The following SULT1C2 variants were observed in gnomAD, a reference collection of about 807,000 sequenced individuals.
The protein encoded by SULT1C2 is sulfotransferase 1C2.
In SULT1C2, 27 loss-of-function variants were observed where a neutral mutation model predicts 36.0. That is an observed-to-expected ratio of 0.75 (90% CI 0.55 to 1.03). The LOEUF (loss-of-function observed/expected upper bound fraction) is 1.03. SULT1C2 is among the 50% of genes least tolerant of loss of function. The probability of loss-of-function intolerance (pLI) is 0.00; values close to 1 mark genes in which losing one functional copy is unlikely to be tolerated. For synonymous variants in SULT1C2, 121 were observed against 116.0 expected, an observed-to-expected ratio of 1.04 and a Z score of -0.27; for missense variants, 395 against 359.2, an observed-to-expected ratio of 1.10 and a Z score of -0.80.
At chr2:108,300,814 G>A (rs1348000519) in intron 3 of SULT1C2, 24 bp from the exon 4 acceptor site, 3 of 1,614,148 alleles carry the variant, frequency 1.9e-6, no homozygotes, top group Middle Eastern at 3.3e-4. Flanking sequence ...CTACGCAGAT[G>A]TTTCCTCTTG....
chr2:108,304,841 C>A, intron 5 of SULT1C2, 141 bp downstream of exon 5: 2 of 1,190,006 alleles, frequency 1.7e-6, no homozygotes. Flanking sequence ...GCAGAGCAAG[C>A]TGGCCACTGA....
chr2:108,291,326 C>G (rs1676584585), intron 1 of SULT1C2, among the ~76,000 whole-genome samples: 1 of 152,094 alleles, frequency 6.6e-6, no homozygotes, highest in South Asian at 2.1e-4. Flanking sequence ...TTTAAGTGCC[C>G]TTGTGGTCAC....
chr2:108,297,633 C>T lies in SULT1C2; in HGVS notation c.278-3205C>T, dbSNP rs548341705. 3.9e-5 allele frequency among the ~76,000 whole-genome samples: 6 copies of T among 152,084 alleles called. No homozygotes were observed. The South Asian group carries it at 1.2e-3, about 32-fold the overall frequency. ...CTCCACCCTGAGTCTGAGCAACCATCGTGGTATTCCTGGCGGGTGAGGCAA... is the reference window on the plus strand; with the variant it reads ...CTCCACCCTGAGTCTGAGCAACCATTGTGGTATTCCTGGCGGGTGAGGCAA... On this transcript the variant is annotated intron_variant, in intron 3 of 7. Coordinates refer to ENST00000251481, the MANE Select transcript of SULT1C2 (RefSeq NM_001056.4).
At chr2:108,295,220 A>G (rs1676694812) in intron 3 of SULT1C2, among the ~76,000 whole-genome samples, 1 of 152,224 alleles carries the variant, frequency 6.6e-6, no homozygotes. Flanking sequence ...ATAGCCTTAA[A>G]GGATTTTGCT....
intron 4 of SULT1C2, chr2:108,301,975 A>G (rs1676889370): frequency 6.6e-6 from 1 of 152,218 alleles, no homozygotes; most frequent in African/African-American, 2.4e-5. Flanking sequence ...ATAAGGGGAC[A>G]AAAACTTCCA....
At chr2:108,296,559 C>A (rs1676735802) in intron 3 of SULT1C2, among the ~76,000 whole-genome samples, 1 of 152,022 alleles carries the variant, frequency 6.6e-6, no homozygotes, top group Admixed American at 6.6e-5. Context: ...TCAAGCAATT[C>A]TCCTGCCTCA....
intron 3 of SULT1C2, chr2:108,299,308 T>C (rs1489934257): frequency 6.6e-6 from 1 of 152,246 alleles, no homozygotes; most frequent in Non-Finnish European, 1.5e-5. Flanking sequence ...CTTATTTTCT[T>C]ATGAGCCTGA....
At chr2:108,298,766 C>G in intron 3 of SULT1C2, 2 of 228,176 alleles carry the variant, frequency 8.8e-6, no homozygotes, top group South Asian at 8.1e-5. Flanking sequence ...GTTCTTCCAC[C>G]TGTTTTTTTT....
intron 3 of SULT1C2, among the ~76,000 whole-genome samples, chr2:108,296,699 C>T (rs1332937243): frequency 1.3e-5 from 2 of 152,238 alleles, no homozygotes. Flanking sequence ...GATATACCCG[C>T]CTCGGCCTCC....
Position 108,308,901 on chromosome 2 carries a change from T to G in SULT1C2, c.*437T>G, listed in dbSNP as rs1677087265. The G allele has an allele frequency of 6.5e-6, 1 of 153,822 alleles. No homozygotes were observed. The highest frequency in any genetic ancestry group is 2.4e-5 in the African/African-American group (1 of 41,436). The allele number at this position is 153,822 out of a possible 1,614,324, so 9.5% of individuals were successfully genotyped here. A position where few individuals can be genotyped will look rare whatever the true frequency, so the allele number is the denominator to read the frequency against. ...CTCCAGCCTGGGCTCAATCCTGGAGTTCTGTCTGGTCACTATCAGAAGGAA... is the reference window on the plus strand; with the variant it reads ...CTCCAGCCTGGGCTCAATCCTGGAGGTCTGTCTGGTCACTATCAGAAGGAA... On this transcript the variant is annotated 3_prime_UTR_variant, in exon 8 of 8. Transcript: ENST00000251481.
At position 108,300,919 on chromosome 2, in the gene SULT1C2, G is replaced by T. The variant is rs762710808; in HGVS notation, c.359G>T (p.Trp120Leu). The stretch of plus-strand genomic sequence containing the variant: ...ACTCAGCTGCTGCCACCGTCTTTCT[G>T]GGAAAACAACTGCAAGGTAAGATAC... The part of the protein sequence containing the change: ...LSTQLLPPSF[W>L]ENNCKFLYVA... Residue 120 changes from tryptophan to leucine, a missense_variant, in exon 4 of 8, where the codon TGG becomes TTG. Transcript: ENST00000251481. The T allele has an allele frequency of 2.5e-6, 4 of 1,614,084 alleles. No individual in the cohort carries two copies. In the East Asian group the frequency reaches 8.9e-5, roughly 36 times the overall value.
chr2:108,306,847 A>G (rs1005094048), intron 7 of SULT1C2, among the ~76,000 whole-genome samples: 1 of 152,158 alleles, frequency 6.6e-6, no homozygotes, highest in Non-Finnish European at 1.5e-5. Flanking sequence ...CAGAGGTTGC[A>G]GTGAGCCAAG....
intron 7 of SULT1C2, 99 bp downstream of exon 7, chr2:108,305,694 A>G: frequency 7.2e-7 from 1 of 1,397,820 alleles, no homozygotes; most frequent in Non-Finnish European, 1.0e-6. Context: ...AAGCCAATGC[A>G]TTTCAACTAT....
chr2:108,299,141 G>C (rs199851671), intron 3 of SULT1C2: 1 of 152,318 alleles, frequency 6.6e-6, no homozygotes, highest in Non-Finnish European at 1.5e-5. Flanking sequence ...CCTCACTAAA[G>C]TCCAGGGCTA....
chr2:108,293,534 A>T, intron 1 of SULT1C2, 113 bp from the exon 2 acceptor site: 1 of 957,344 alleles, frequency 1.0e-6, no homozygotes, highest in Non-Finnish European at 1.4e-6. Context: ...AACAATGTGA[A>T]TGTACTTAAT....
intron 3 of SULT1C2, among the ~76,000 whole-genome samples, chr2:108,297,326 C>A (rs1308646131): frequency 6.6e-6 from 1 of 152,188 alleles, no homozygotes; most frequent in Non-Finnish European, 1.5e-5. Flanking sequence ...GTTGTCATTA[C>A]TAATTTTCTG....
chr2:108,307,694 T>C (rs940923918), intron 7 of SULT1C2, among the ~76,000 whole-genome samples: 2 of 152,234 alleles, frequency 1.3e-5, no homozygotes, highest in African/African-American at 4.8e-5. Flanking sequence ...ATCTCATTCA[T>C]ATTTTTCCAA....
intron 3 of SULT1C2, among the ~76,000 whole-genome samples, chr2:108,295,694 G>A (rs12990757): frequency 0.36 from 54,972 of 152,152 alleles, 12,149 homozygotes; most frequent in Non-Finnish European, 0.49. Context: ...GCTTGAAGCA[G>A]TGCCTGACAC....
rs372871329 is a variant in SULT1C2 at position 108,293,000 on chromosome 2, G to A, written c.-21-647G>A. Among the ~76,000 whole-genome samples, 7 of 152,182 alleles carry A rather than the reference G, an allele frequency of 4.6e-5. No homozygotes were observed. In the East Asian group the frequency reaches 7.7e-4, roughly 17 times the overall value. ...TCAAGACCAGCCTGGCCAACATGGCGAAACTCGGTCCCTACTAAAGTCACA... is the reference window on the plus strand; with the variant it reads ...TCAAGACCAGCCTGGCCAACATGGCAAAACTCGGTCCCTACTAAAGTCACA... On this transcript the variant is annotated intron_variant, in intron 1 of 7. Transcript: ENST00000251481.
Sources: gnomAD v4.1 joint callset for allele counts (sites outside exome capture counted in the v4.1 genomes callset) on GRCh38, gnomAD v4.1.1 for gene constraint, MANE v1.5 for transcripts, NCBI Gene and HGNC (gene_info 2026-07-23, HGNC 2026-07-21) for gene names.